Variants in RBMS3 observed in about 807,000 individuals in gnomAD.
RBMS3 encodes RNA-binding motif, single-stranded-interacting protein 3.
In RBMS3, 27 loss-of-function variants were observed where a neutral mutation model predicts 66.8. The ratio of observed to expected loss-of-function variants is 0.40; its 90% CI spans 0.30 to 0.56. The LOEUF is 0.56. RBMS3 is among the 20% of genes least tolerant of loss of function. The pLI, the probability that RBMS3 is intolerant of heterozygous loss-of-function variation, is 0.40. For missense variants in RBMS3, 513 were observed against 549.5 expected (o/e 0.93, Z 0.66); for synonymous variants, 188 against 183.0 (o/e 1.03, Z -0.22).
intron 2 of RBMS3, among the ~76,000 whole-genome samples, chr3:29,478,810 T>C (rs2043036222): frequency 6.6e-6 from 1 of 152,236 alleles, no homozygotes; most frequent in Non-Finnish European, 1.5e-5. Context: ...TACTAGAATG[T>C]GCTACATATT....
chr3:29,773,142 T>C lies in RBMS3; in HGVS notation c.637+10153T>C, dbSNP rs567393873. ...AACAGAATGGAGCTCCTCGAGGTTA[T>C]AATCAACTTTAAGTTTTAGATGATT... On this transcript the variant is annotated intron_variant, in intron 6 of 14. Transcript: ENST00000383767. Among the ~76,000 whole-genome samples the C allele has an allele frequency of 2.6e-5, 4 of 152,090 alleles. No homozygotes were observed. In the South Asian group the frequency reaches 8.3e-4, roughly 32 times the overall value.
intron 1 of RBMS3, among the ~76,000 whole-genome samples, chr3:29,314,915 A>T (rs2034583848): frequency 6.6e-6 from 1 of 151,630 alleles, no homozygotes; most frequent in South Asian, 2.1e-4. Context: ...TGAGATCAGT[A>T]AGAAATATGC....
chr3:29,688,813 C>G (rs1226827545), intron 4 of RBMS3, among the ~76,000 whole-genome samples: 1 of 151,894 alleles, frequency 6.6e-6, no homozygotes, highest in South Asian at 2.1e-4. Context: ...GAACTCCTGA[C>G]CTCGTGATCC....
chr3:29,321,880 A>G (rs537088049), intron 1 of RBMS3, among the ~76,000 whole-genome samples: 48 of 152,236 alleles, frequency 3.2e-4, no homozygotes, highest in Non-Finnish European at 6.0e-4. Flanking sequence ...CTCAGTAAAA[A>G]CTAAGCGGCT....
chr3:29,907,469 G>GT (rs966651526), intron 10 of RBMS3, among the ~76,000 whole-genome samples: 8 of 151,546 alleles, frequency 5.3e-5, no homozygotes, highest in East Asian at 3.9e-4. Context: ...CTTAATCAAA[G>GT]TTTTTTTGAA....
chr3:29,904,149 G>T (rs757491945), intron 10 of RBMS3, among the ~76,000 whole-genome samples: 1 of 151,730 alleles, frequency 6.6e-6, no homozygotes, highest in Non-Finnish European at 1.5e-5. Flanking sequence ...AAAATTTTAC[G>T]GTAATTTTTC....
Position 29,922,452 on chromosome 3 carries a change from AGT to A in RBMS3, c.940-13633_940-13632del, listed in dbSNP as rs2060812197. Among the ~76,000 whole-genome samples, 5 of 146,838 alleles carry A rather than the reference AGT, an allele frequency of 3.4e-5. No homozygotes were observed. The South Asian group carries it at 6.5e-4, about 19-fold the overall frequency. ...CAGTGAGCCGAGATTGCGCCACTGC[AGT>A]CCGCAGTCCGGCCTGGGCGACAGAG... On this transcript the variant is annotated intron_variant, in intron 10 of 14. Coordinates refer to ENST00000383767, the MANE Select transcript of RBMS3 (RefSeq NM_001003793.3).
In RBMS3 at chr3:29,969,885, C is replaced by T. The variant is rs532186323; in HGVS notation, c.1099-18258C>T. Among the ~76,000 whole-genome samples the T allele has an allele frequency of 4.6e-5, 7 of 152,236 alleles. No homozygotes were observed. In the East Asian group the frequency reaches 1.4e-3, roughly 29 times the overall value. ...TTCATATCCTTCTGTCTATAGTGTA[C>T]AACTTTTGATTGATTTTTACTTTTG... On this transcript the variant is annotated intron_variant, in intron 12 of 14. Transcript: ENST00000383767.
rs530537588 is a variant in RBMS3, at chr3:29,456,432, C to T, written c.248+21517C>T. Reference sequence around the variant, plus strand: ...CTGCACAATGGATTCACAGCAGCAGCGATGAGCTTGGCTCAGAATAGAATA... The same window carrying T: ...CTGCACAATGGATTCACAGCAGCAGTGATGAGCTTGGCTCAGAATAGAATA... On this transcript the variant is annotated intron_variant, in intron 2 of 14. Transcript: ENST00000383767. Among the ~76,000 whole-genome samples, 8 of 152,222 alleles carry T rather than the reference C, an allele frequency of 5.3e-5. No individual in the cohort carries two copies. In the South Asian group the frequency reaches 6.2e-4, roughly 12 times the overall value.
intron 3 of RBMS3, among the ~76,000 whole-genome samples, chr3:29,550,641 TATA>T (rs1243535971): frequency 6.6e-6 from 1 of 152,170 alleles, no homozygotes; most frequent in Non-Finnish European, 1.5e-5. Context: ...AATAATTTTG[TATA>T]ATAATTTTTG....
chr3:29,661,943 C>T (rs2050569969), intron 4 of RBMS3, among the ~76,000 whole-genome samples: 2 of 152,298 alleles, frequency 1.3e-5, no homozygotes, highest in East Asian at 3.9e-4. Context: ...TCTCAGTTCC[C>T]ACTTCTTGTC....
chr3:29,360,397 C>G (rs543607044), intron 1 of RBMS3, among the ~76,000 whole-genome samples: 30 of 151,996 alleles, frequency 2.0e-4, no homozygotes, highest in Non-Finnish European at 3.8e-4. Flanking sequence ...TTTGATTGCA[C>G]TGTGGTCTGA....
At chr3:29,961,273 C>A (rs567722191) in intron 12 of RBMS3, among the ~76,000 whole-genome samples, 1 of 152,144 alleles carries the variant, frequency 6.6e-6, no homozygotes, top group Non-Finnish European at 1.5e-5. Flanking sequence ...TTCTTATCTC[C>A]GTCTGAGACC....
At chr3:29,776,052 A>G (rs943763416) in intron 6 of RBMS3, among the ~76,000 whole-genome samples, 8 of 152,032 alleles carry the variant, frequency 5.3e-5, no homozygotes, top group East Asian at 1.9e-4. Context: ...TTTTTAAAGG[A>G]CGCAACTCAA....
intron 4 of RBMS3, among the ~76,000 whole-genome samples, chr3:29,736,342 A>G (rs187972720): frequency 6.0e-4 from 91 of 152,344 alleles, no homozygotes; most frequent in Middle Eastern, 3.4e-3. Flanking sequence ...ATTTGGATTC[A>G]GAAAATAGCT....
At position 29,876,419 on chromosome 3, in the gene RBMS3, A is replaced by T. The variant is rs143142680; in HGVS notation, c.744+7455A>T. 4.1e-3 allele frequency among the ~76,000 whole-genome samples: 630 copies of T among 152,356 alleles called. 3 individuals carry two copies. Among genetic ancestry groups the T allele is most frequent in the African/African-American group, 0.014 (601 of 41,592 alleles). ...CAAAATATTTTCAAATAAAAATTAAAAGTTCAAATTCAAACATTTCTTTAG... is the reference window on the plus strand; with the variant it reads ...CAAAATATTTTCAAATAAAAATTAATAGTTCAAATTCAAACATTTCTTTAG... On this transcript the variant is annotated intron_variant, in intron 7 of 14. Coordinates refer to ENST00000383767, the MANE Select transcript of RBMS3 (RefSeq NM_001003793.3).
intron 1 of RBMS3, among the ~76,000 whole-genome samples, chr3:29,334,658 C>A (rs902634085): frequency 1.3e-5 from 2 of 152,024 alleles, no homozygotes; most frequent in African/African-American, 4.8e-5. Flanking sequence ...AATAAATGCT[C>A]CTGCAGTTGT....
intron 6 of RBMS3, among the ~76,000 whole-genome samples, chr3:29,857,486 C>T (rs2059109306): frequency 7.3e-6 from 1 of 137,212 alleles, no homozygotes; most frequent in Non-Finnish European, 1.5e-5. Flanking sequence ...CTTGTTATTA[C>T]TTTTTTTTCT....
At chr3:29,840,922 G>T (rs887424612) in intron 6 of RBMS3, among the ~76,000 whole-genome samples, 2 of 151,916 alleles carry the variant, frequency 1.3e-5, no homozygotes, top group East Asian at 1.9e-4. Flanking sequence ...AAAGTATGAT[G>T]TATTGACCTC....
Sources: gnomAD v4.1 joint callset for allele counts (sites outside exome capture counted in the v4.1 genomes callset) on GRCh38, gnomAD v4.1.1 for gene constraint, MANE v1.5 for transcripts, NCBI Gene and HGNC (gene_info 2026-07-23, HGNC 2026-07-21) for gene names.